The following MAMDC2 variants were observed in gnomAD, a reference collection of about 807,000 sequenced individuals.
The protein encoded by MAMDC2 is MAM domain-containing protein 2.
In MAMDC2, 57 loss-of-function variants were observed where a neutral mutation model predicts 89.8. The ratio of observed to expected loss-of-function variants is 0.63; its 90% CI spans 0.51 to 0.79. MAMDC2 has a LOEUF of 0.79. Ranked by LOEUF, MAMDC2 falls within the 30% of genes least tolerant of loss-of-function variation. The pLI, the probability that MAMDC2 is intolerant of heterozygous loss-of-function variation, is 0.00. For synonymous variants in MAMDC2, 313 were observed against 293.4 expected (o/e 1.07, Z -0.68); for missense variants, 800 against 820.6 (o/e 0.97, Z 0.31).
intron 9 of MAMDC2, among the ~76,000 whole-genome samples, chr9:70,144,221 T>A (rs1440110296): frequency 2.0e-5 from 3 of 151,972 alleles, no homozygotes; most frequent in African/African-American, 7.3e-5. Context: ...TTTAAAAAGG[T>A]GAAATCAGTG....
At chr9:70,196,031 T>C (rs2032968463) in intron 11 of MAMDC2, among the ~76,000 whole-genome samples, 1 of 152,138 alleles carries the variant, frequency 6.6e-6, no homozygotes, top group Admixed American at 6.6e-5. Flanking sequence ...CTAGTAATAA[T>C]GGCAGAAGAT....
chr9:70,079,057 A>G (rs1252475544), intron 2 of MAMDC2, among the ~76,000 whole-genome samples: 1 of 152,122 alleles, frequency 6.6e-6, no homozygotes, highest in African/African-American at 2.4e-5. Context: ...GCACAGAGGG[A>G]GCCATCTTCT....
chr9:70,209,365 A>C (rs1043224049), intron 11 of MAMDC2, among the ~76,000 whole-genome samples: 2 of 152,014 alleles, frequency 1.3e-5, no homozygotes, highest in Non-Finnish European at 2.9e-5. Context: ...TTGGGAGGGC[A>C]TATGTGTTGA....
intron 11 of MAMDC2, among the ~76,000 whole-genome samples, chr9:70,213,943 G>T (rs2033402033): frequency 6.6e-6 from 1 of 152,158 alleles, no homozygotes; most frequent in Admixed American, 6.5e-5. Flanking sequence ...GTGGAGCCAT[G>T]TGCCCTAGAA....
chr9:70,050,233 G>GA (rs146647998), intron 2 of MAMDC2, among the ~76,000 whole-genome samples: 10,597 of 152,246 alleles, frequency 0.07, 525 homozygotes, highest in East Asian at 0.21. Context: ...TCAGCGTGTA[G>GA]AAAAGAGCCT....
chr9:70,111,528 T>A (rs1828511416), intron 4 of MAMDC2, among the ~76,000 whole-genome samples: 1 of 152,230 alleles, frequency 6.6e-6, no homozygotes, highest in Non-Finnish European at 1.5e-5. Context: ...ATAAGTTAAT[T>A]TATGTAAAGT....
chr9:70,108,168 A>G, intron 2 of MAMDC2, 43 bp from the exon 3 acceptor site: 1 of 1,501,338 alleles, frequency 6.7e-7, no homozygotes, highest in Non-Finnish European at 8.9e-7. Flanking sequence ...TCCAGGTTGC[A>G]AACAAAAATT....
At chr9:70,136,349 G>A (rs1352129831) in intron 7 of MAMDC2, among the ~76,000 whole-genome samples, 5 of 152,042 alleles carry the variant, frequency 3.3e-5, no homozygotes, top group Admixed American at 1.3e-4. Flanking sequence ...AGTTTACTCC[G>A]TATCATTTTG....
chr9:70,221,466 T>C (rs1262681081), intron 12 of MAMDC2, among the ~76,000 whole-genome samples: 1 of 134,442 alleles, frequency 7.4e-6, no homozygotes, highest in Non-Finnish European at 1.6e-5. Flanking sequence ...AAGTAGAGAG[T>C]AGAATGATGG....
At position 70,168,693 on chromosome 9, in the gene MAMDC2, G is replaced by A. The variant is rs757490946; in HGVS notation, c.1405-9G>A. 1.2e-5 allele frequency: 19 copies of A among 1,610,338 alleles called. No homozygotes were observed. The highest frequency in any genetic ancestry group is 4.5e-5 in the East Asian group (2 of 44,840). On this transcript the variant is annotated splice_polypyrimidine_tract_variant and intron_variant, in intron 9 of 13. Coordinates refer to ENST00000377182, the MANE Select transcript of MAMDC2 (RefSeq NM_153267.5). ...ACAGAATTCATAGCTTTATTTTTATGAATTTCAGGTGGTTTTCATGAGCCT... is the reference window on the plus strand; with the variant it reads ...ACAGAATTCATAGCTTTATTTTTATAAATTTCAGGTGGTTTTCATGAGCCT...
intron 2 of MAMDC2, among the ~76,000 whole-genome samples, chr9:70,080,222 C>A (rs1827621897): frequency 6.6e-6 from 1 of 152,194 alleles, no homozygotes; most frequent in Non-Finnish European, 1.5e-5. Context: ...ATTATCAAAG[C>A]AGCGTGCTGC....
intron 11 of MAMDC2, among the ~76,000 whole-genome samples, chr9:70,207,578 G>A (rs2033253853): frequency 6.6e-6 from 1 of 152,076 alleles, no homozygotes; most frequent in African/African-American, 2.4e-5. Context: ...CCATTCTGTA[G>A]GTTGCCTGTT....
At chr9:70,160,197 G>C (rs995091751) in intron 9 of MAMDC2, among the ~76,000 whole-genome samples, 1 of 151,988 alleles carries the variant, frequency 6.6e-6, no homozygotes, top group Non-Finnish European at 1.5e-5. Context: ...GGGCAACAGA[G>C]GGAGACCCTG....
rs998301071 is a variant in MAMDC2 at position 70,205,117 on chromosome 9, C to G, written c.1652-13220C>G. 5.9e-5 allele frequency among the ~76,000 whole-genome samples: 9 copies of G among 152,290 alleles called. No homozygotes were observed. In the East Asian group the frequency reaches 1.7e-3, roughly 29 times the overall value. Reference sequence around the variant, plus strand: ...TAATTATGTTAGTTTCTGACATTGCCAGATTCTACTTACACAGAGAAGGCT... The same window carrying G: ...TAATTATGTTAGTTTCTGACATTGCGAGATTCTACTTACACAGAGAAGGCT... On this transcript the variant is annotated intron_variant, in intron 11 of 13. Transcript: ENST00000377182.
At chr9:70,153,692 C>T (rs767074732) in intron 9 of MAMDC2, 1 of 152,148 alleles carries the variant, frequency 6.6e-6, no homozygotes, top group African/African-American at 2.4e-5. Flanking sequence ...CATGGTAAAT[C>T]CTTTTAAGTC....
chr9:70,218,515 C>T lies in MAMDC2; in HGVS notation c.1830C>T (p.Ser610=), dbSNP rs1418352351. ...AAAAGGAAGAAGACAGTGAAGAGTCCCTCTTATGGAGGAGAAGAGGTGAAC... is the reference window on the plus strand; with the variant it reads ...AAAAGGAAGAAGACAGTGAAGAGTCTCTCTTATGGAGGAGAAGAGGTGAAC... ...YLKKEEDSEE[S]LLWRRRGEQS... is the part of the protein sequence containing the mutation. Residue 610 remains serine (S), a synonymous_variant, in exon 12 of 14, where the codon TCC becomes TCT. Coordinates refer to ENST00000377182, the MANE Select transcript of MAMDC2 (RefSeq NM_153267.5). 2 of 1,613,968 alleles carry T rather than the reference C, an allele frequency of 1.2e-6. No individual in the cohort carries two copies. Among genetic ancestry groups the T allele is most frequent in the Non-Finnish European group, 1.7e-6 (2 of 1,180,002 alleles).
At chr9:70,170,861 A>G in intron 11 of MAMDC2, 1 of 418,894 alleles carries the variant, frequency 2.4e-6, no homozygotes, top group Non-Finnish European at 4.2e-6. Context: ...CAGGGCTTAC[A>G]AAGTTCTGCA....
At chr9:70,092,578 A>G (rs1827927742) in intron 2 of MAMDC2, 1 of 152,310 alleles carries the variant, frequency 6.6e-6, no homozygotes, top group South Asian at 2.1e-4. Context: ...TTTCCAAACC[A>G]TCCCTGAGTT....
intron 7 of MAMDC2, among the ~76,000 whole-genome samples, chr9:70,133,004 A>G (rs560831444): frequency 1.2e-3 from 183 of 152,340 alleles, no homozygotes; most frequent in African/African-American, 4.2e-3. Context: ...CAAAGATTAA[A>G]AGAGTCTCTA....
Sources: allele counts gnomAD v4.1 joint callset (sites outside exome capture counted in the v4.1 genomes callset), GRCh38; gene constraint gnomAD v4.1.1; transcripts MANE v1.5; gene names NCBI Gene and HGNC (gene_info 2026-07-23, HGNC 2026-07-21).